Variants in TRHDE observed in about 807,000 individuals in gnomAD.
The protein encoded by TRHDE is thyrotropin releasing hormone degrading enzyme, also known as thyrotropin-releasing hormone-degrading ectoenzyme.
A neutral mutation model predicts 125.7 loss-of-function variants in TRHDE; 72 were observed. That is an observed-to-expected ratio of 0.57 (90% CI 0.47 to 0.70). TRHDE has a LOEUF of 0.70. TRHDE is among the 30% of genes least tolerant of loss of function. The probability of loss-of-function intolerance (pLI) is 0.00; values close to 1 mark genes in which losing one functional copy is unlikely to be tolerated. For synonymous variants in TRHDE, 509 were observed against 509.1 expected (o/e 1.00, Z 0.00); for missense variants, 1,110 against 1,327.1 (o/e 0.84, Z 2.54).
At chr12:72,265,605 TA>T (rs947672354) in intron 2 of TRHDE, among the ~76,000 whole-genome samples, 3 of 151,914 alleles carry the variant, frequency 2.0e-5, no homozygotes, top group Non-Finnish European at 2.9e-5. Flanking sequence ...ATTATTTATG[TA>T]CAGATCTAGT....
At chr12:72,169,400 A>G (rs1228515646) in intron 2 of TRHDE, among the ~76,000 whole-genome samples, 2 of 152,166 alleles carry the variant, frequency 1.3e-5, no homozygotes, top group Admixed American at 1.3e-4. Flanking sequence ...CTTAAACAAC[A>G]GGAATTTATT....
In TRHDE at chr12:72,140,966, T is replaced by C. The variant is rs147142828; in HGVS notation, n.279+35214T>C. On this transcript the variant is annotated intron_variant and non_coding_transcript_variant, in intron 2 of 4. Transcript: ENST00000548156. ...TCAGAAAACTCCTATAATGTAATAG[T>C]TCTGCTTTTTCAAAAGCTTTATTTT... 7.0e-4 allele frequency among the ~76,000 whole-genome samples: 106 copies of C among 152,324 alleles called. 1 individual carries two copies. In the East Asian group the frequency reaches 0.017, roughly 24 times the overall value.
intron 6 of TRHDE, among the ~76,000 whole-genome samples, chr12:72,503,993 C>T (rs1878258749): frequency 1.3e-5 from 2 of 152,054 alleles, no homozygotes; most frequent in African/African-American, 4.8e-5. Flanking sequence ...CCTGGGATCA[C>T]TCAAAGTAGA....
rs1163946031 is a variant in TRHDE at position 72,318,391 on chromosome 12, A to G, written c.1188+31437A>G. Among the ~76,000 whole-genome samples the G allele has an allele frequency of 2.0e-5, 3 of 152,312 alleles. 1 individual carries two copies. The Middle Eastern group carries it at 0.01, about 518-fold the overall frequency. On this transcript the variant is annotated intron_variant, in intron 2 of 18. Transcript: ENST00000261180. Reference sequence around the variant, plus strand: ...AATTGGTAAAAAGCAACAGTCACTCATATTAGCTGGGAGAAGGTGATGTGC... The same window carrying G: ...AATTGGTAAAAAGCAACAGTCACTCGTATTAGCTGGGAGAAGGTGATGTGC...
chr12:72,393,833 G>A (rs1212868630), intron 3 of TRHDE, among the ~76,000 whole-genome samples: 1 of 152,040 alleles, frequency 6.6e-6, no homozygotes, highest in African/African-American at 2.4e-5. Context: ...ATATTACTAT[G>A]AATTTCATGA....
intron 2 of TRHDE, among the ~76,000 whole-genome samples, chr12:72,236,166 A>G (rs1878334261): frequency 6.6e-6 from 1 of 152,166 alleles, no homozygotes; most frequent in South Asian, 2.1e-4. Context: ...ATGTTTTTAA[A>G]TATAAAATTA....
intron 2 of TRHDE, among the ~76,000 whole-genome samples, chr12:72,115,728 G>A (rs939944844): frequency 1.3e-5 from 2 of 151,934 alleles, no homozygotes; most frequent in African/African-American, 2.4e-5. Context: ...TGTGTCTTTT[G>A]TATAAAAGAC....
At chr12:72,278,540 A>G (rs1239548453) in intron 1 of TRHDE, among the ~76,000 whole-genome samples, 1 of 152,088 alleles carries the variant, frequency 6.6e-6, no homozygotes, top group African/African-American at 2.4e-5. Context: ...GGCTGTACTA[A>G]TTTATAGTGT....
chr12:72,620,420 G>C (rs1038377279), intron 13 of TRHDE, among the ~76,000 whole-genome samples: 8 of 151,706 alleles, frequency 5.3e-5, no homozygotes, highest in Middle Eastern at 3.4e-3. Flanking sequence ...CTGCTCATGA[G>C]GCTGAGGTGG....
intron 6 of TRHDE, among the ~76,000 whole-genome samples, chr12:72,520,114 C>A (rs534313879): frequency 1.3e-5 from 2 of 152,322 alleles, no homozygotes; most frequent in South Asian, 4.1e-4. Flanking sequence ...GCCCTGCCCC[C>A]AGAGGTGGAG....
chr12:72,526,469 G>A (rs1325007594), intron 6 of TRHDE, among the ~76,000 whole-genome samples: 1 of 152,064 alleles, frequency 6.6e-6, no homozygotes, highest in South Asian at 2.1e-4. Context: ...ATTTTATGTT[G>A]TTGGGATGAC....
intron 15 of TRHDE, among the ~76,000 whole-genome samples, chr12:72,630,039 T>C (rs1873416339): frequency 6.7e-6 from 1 of 149,822 alleles, no homozygotes; most frequent in African/African-American, 2.4e-5. Context: ...TGAATATATA[T>C]ATATACATAT....
At chr12:72,637,934 C>T (rs1168929148) in intron 15 of TRHDE, among the ~76,000 whole-genome samples, 1 of 151,922 alleles carries the variant, frequency 6.6e-6, no homozygotes, top group Non-Finnish European at 1.5e-5. Context: ...GTATGTGGTC[C>T]GTTTTGGAAT....
intron 16 of TRHDE, 74 bp from the exon 17 acceptor site, chr12:72,652,942 C>T (rs1037060455): frequency 7.8e-7 from 1 of 1,274,966 alleles, no homozygotes; most frequent in Non-Finnish European, 1.1e-6. Flanking sequence ...AAACTAGGTC[C>T]TATAATTTTA....
At chr12:72,446,601 A>G (rs529568497) in intron 3 of TRHDE, among the ~76,000 whole-genome samples, 3 of 152,240 alleles carry the variant, frequency 2.0e-5, no homozygotes, top group East Asian at 3.9e-4. Context: ...AGTGTGCTGT[A>G]TTCAGGAGAC....
chr12:72,504,794 A>C (rs766936108), intron 6 of TRHDE, among the ~76,000 whole-genome samples: 7 of 152,112 alleles, frequency 4.6e-5, no homozygotes, highest in Non-Finnish European at 8.8e-5. Flanking sequence ...TATATTTTGA[A>C]ATGTTGTATG....
chr12:72,517,072 C>T (rs1035509263), intron 6 of TRHDE, among the ~76,000 whole-genome samples: 2 of 151,720 alleles, frequency 1.3e-5, no homozygotes, highest in Non-Finnish European at 2.9e-5. Context: ...ATTTTGGCAT[C>T]AATGTTCATC....
At chr12:72,397,257 T>C (rs1392169528) in intron 3 of TRHDE, among the ~76,000 whole-genome samples, 1 of 152,220 alleles carries the variant, frequency 6.6e-6, no homozygotes, top group Non-Finnish European at 1.5e-5. Context: ...GCCTTAAAAA[T>C]AATCTCATGT....
intron 9 of TRHDE, among the ~76,000 whole-genome samples, chr12:72,564,723 A>G (rs1040646352): frequency 1.7e-5 from 2 of 118,816 alleles, no homozygotes; most frequent in African/African-American, 6.2e-5. Flanking sequence ...GCTGGAGTGC[A>G]GTGACGCGAT....
Sources: allele counts gnomAD v4.1 joint callset (sites outside exome capture counted in the v4.1 genomes callset), GRCh38; gene constraint gnomAD v4.1.1; transcripts MANE v1.5; gene names NCBI Gene and HGNC (gene_info 2026-07-23, HGNC 2026-07-21).